Variants in ZNF503 observed in about 807,000 individuals in gnomAD.
The protein encoded by ZNF503 is NocA-like zinc finger 2.
In ZNF503, 15 loss-of-function variants were observed where a neutral mutation model predicts 34.4. That is an observed-to-expected ratio of 0.44 (90% confidence interval 0.29 to 0.67). ZNF503 has a LOEUF of 0.67. Among genes scored for constraint, ZNF503 ranks in the 30% least tolerant of loss-of-function variants. The pLI is 0.13. For synonymous variants in ZNF503, 580 were observed against 456.8 expected (o/e 1.27, Z -3.44); for missense variants, 1,007 against 926.8 (o/e 1.09, Z -1.12).
rs889310130 is a variant in ZNF503 at position 75,401,507 on chromosome 10, G to C, written c.-88C>G. ...GGGCTGCGCGCTCGCCCCGGGAGCA[G>C]GAGCAGCGGGAGGAGGAGGAGCTGG... On this transcript the variant is annotated 5_prime_UTR_variant, in exon 1 of 2. Coordinates refer to ENST00000372524, the MANE Select transcript of ZNF503 (RefSeq NM_032772.6). 5 of 1,440,202 alleles carry C rather than the reference G, an allele frequency of 3.5e-6. No individual in the cohort carries two copies. In the African/African-American group the frequency reaches 4.5e-5, roughly 13 times the overall value. The allele number at this position is 1,440,202 out of a possible 1,614,324, so 89.2% of individuals were successfully genotyped here. A position where few individuals can be genotyped will look rare whatever the true frequency, so the allele number is the denominator to read the frequency against.
At chr10:75,361,310 C>T in the ZNF503 span, 1 of 152,126 alleles carries the variant, frequency 6.6e-6, no homozygotes, top group East Asian at 1.9e-4. Context: ...AATGAATTAT[C>T]GTTGTCAATA....
At chr10:75,292,189 C>T in the ZNF503 span, among the ~76,000 whole-genome samples, 1 of 152,176 alleles carries the variant, frequency 6.6e-6, no homozygotes, top group Non-Finnish European at 1.5e-5. Flanking sequence ...TTCTCTGCCT[C>T]AGTGGGTTCT....
At chr10:75,317,012 G>A in the ZNF503 span, among the ~76,000 whole-genome samples, 3 of 152,178 alleles carry the variant, frequency 2.0e-5, no homozygotes, top group South Asian at 4.1e-4. Context: ...CACAGTCATA[G>A]CTCACTGCAG....
At chr10:75,363,575 C>T in the ZNF503 span, among the ~76,000 whole-genome samples, 1 of 152,214 alleles carries the variant, frequency 6.6e-6, no homozygotes, top group African/African-American at 2.4e-5. Context: ...TCCCGCATTC[C>T]ATACAACTTT....
At chr10:75,377,183 C>G in the ZNF503 span, among the ~76,000 whole-genome samples, 1 of 152,338 alleles carries the variant, frequency 6.6e-6, no homozygotes, top group East Asian at 1.9e-4. Context: ...AACCACTGCC[C>G]TCAACCACAC....
chr10:75,383,349 CA>C, the ZNF503 span, among the ~76,000 whole-genome samples: 3 of 152,198 alleles, frequency 2.0e-5, no homozygotes, highest in African/African-American at 7.2e-5. Context: ...ATGTCTACCA[CA>C]GGTCCAATCC....
chr10:75,308,195 C>CTT, the ZNF503 span, among the ~76,000 whole-genome samples: 29,000 of 133,094 alleles, frequency 0.22, 3,575 homozygotes, highest in South Asian at 0.33. Context: ...GACAATACAT[C>CTT]TTTTTTTTTT....
At chr10:75,343,591 G>A in the ZNF503 span, among the ~76,000 whole-genome samples, 1 of 152,150 alleles carries the variant, frequency 6.6e-6, no homozygotes, top group Admixed American at 6.5e-5. Context: ...ACCTGTTCAG[G>A]GGGCCTCCCC....
the ZNF503 span, among the ~76,000 whole-genome samples, chr10:75,331,748 C>G: frequency 6.6e-6 from 1 of 152,348 alleles, no homozygotes; most frequent in South Asian, 2.1e-4. Flanking sequence ...CGTCCTGCCT[C>G]AGACTCCCAA....
chr10:75,330,546 A>G, the ZNF503 span, among the ~76,000 whole-genome samples: 2 of 152,098 alleles, frequency 1.3e-5, no homozygotes, highest in Non-Finnish European at 2.9e-5. Flanking sequence ...TGGTCTATTC[A>G]GGCTTTTTAT....
chr10:75,339,236 AAAAG>A, the ZNF503 span, among the ~76,000 whole-genome samples: 2 of 152,198 alleles, frequency 1.3e-5, no homozygotes, highest in Non-Finnish European at 2.9e-5. Context: ...GTCTCAAAAA[AAAAG>A]AAAGAGTTGT....
chr10:75,384,983 G>A, the ZNF503 span, among the ~76,000 whole-genome samples: 4 of 152,202 alleles, frequency 2.6e-5, no homozygotes, highest in Non-Finnish European at 5.9e-5. Context: ...GAGACCCCAT[G>A]CTATCCTCCC....
chr10:75,337,464 A>G, the ZNF503 span, among the ~76,000 whole-genome samples: 1 of 151,668 alleles, frequency 6.6e-6, no homozygotes, highest in Non-Finnish European at 1.5e-5. Flanking sequence ...CTCTACTAAA[A>G]ATACAAAAAT....
chr10:75,400,516 C>A, intron 1 of ZNF503, 142 bp from the exon 2 acceptor site: 1 of 1,421,150 alleles, frequency 7.0e-7, no homozygotes, highest in Non-Finnish European at 9.2e-7. Context: ...TTCTAGGCGG[C>A]ACCCCCTCTT....
chr10:75,354,620 G>T, the ZNF503 span, among the ~76,000 whole-genome samples: 2 of 152,050 alleles, frequency 1.3e-5, no homozygotes, highest in Admixed American at 1.3e-4. Context: ...TGAGGTGGGA[G>T]GATCACTTGA....
In ZNF503 at chr10:75,400,093, C is replaced by A. The variant is rs758936897; in HGVS notation, c.597G>T (p.Gly199=). The change falls in exon 2 of 2, where the codon GGG becomes GGT. Residue 199 remains glycine, a synonymous_variant. Transcript: ENST00000372524. ...GGGGGGGGGG[G]GGGGGVSSEK... is the part of the protein sequence containing the mutation. ...CCGACGAAACACCCCCGCCGCCGCCCCCGCCACCGCCACCGCCTCCACCGC... is the reference window on the plus strand; with the variant it reads ...CCGACGAAACACCCCCGCCGCCGCCACCGCCACCGCCACCGCCTCCACCGC... 24 of 1,545,644 alleles carry A rather than the reference C, an allele frequency of 1.6e-5. No individual in the cohort carries two copies. Among genetic ancestry groups the A allele is most frequent in the East Asian group, 7.3e-5 (3 of 40,940 alleles).
chr10:75,394,706 CAG>C (rs1251179625), downstream of ZNF503, among the ~76,000 whole-genome samples: 1 of 152,202 alleles, frequency 6.6e-6, no homozygotes, highest in Non-Finnish European at 1.5e-5. Flanking sequence ...CCAGGTGTGG[CAG>C]AGTCAGAGCA....
At chr10:75,389,062 G>C in the ZNF503 span, among the ~76,000 whole-genome samples, 1 of 152,172 alleles carries the variant, frequency 6.6e-6, no homozygotes, top group Non-Finnish European at 1.5e-5. Context: ...GATGTGGAGC[G>C]TGTAGAATTC....
At chr10:75,307,865 G>A in the ZNF503 span, among the ~76,000 whole-genome samples, 1 of 152,146 alleles carries the variant, frequency 6.6e-6, no homozygotes, top group Non-Finnish European at 1.5e-5. Flanking sequence ...GATCACTTGA[G>A]GTCAGGAGTT....
Sources: allele counts gnomAD v4.1 joint callset (sites outside exome capture counted in the v4.1 genomes callset), GRCh38; gene constraint gnomAD v4.1.1; transcripts MANE v1.5; gene names NCBI Gene and HGNC (gene_info 2026-07-23, HGNC 2026-07-21).